CCNY: variants seen among roughly 807,000 people sequenced by gnomAD.
CCNY encodes the protein cyclin-Y.
In CCNY, 19 loss-of-function variants were observed where a neutral mutation model predicts 42.8. That is an observed-to-expected ratio of 0.44 (90% CI 0.31 to 0.65). CCNY has a LOEUF of 0.65. Ranked by LOEUF, CCNY falls within the 30% of genes least tolerant of loss-of-function variation. CCNY has a pLI of 0.07. For synonymous variants in CCNY, 165 were observed against 162.7 expected, an observed-to-expected ratio of 1.01 and a Z score of -0.11; for missense variants, 370 against 437.3, an observed-to-expected ratio of 0.85 and a Z score of 1.37.
At chr10:35,360,288 C>CTTTTTTTTTTTTT (rs5784449) in intron 1 of CCNY, among the ~76,000 whole-genome samples, 2 of 99,896 alleles carry the variant, frequency 2.0e-5, no homozygotes, top group Non-Finnish European at 2.1e-5. Flanking sequence ...CTTTTCTTTT[C>CTTTTTTTTTTTTT]TTTTTTTTTT....
At chr10:35,307,009 C>T (rs114774592) in intron 3 of CCNY, among the ~76,000 whole-genome samples, 3,522 of 152,200 alleles carry the variant, frequency 0.023, 125 homozygotes, top group African/African-American at 0.08. Flanking sequence ...CGTGCAGTCC[C>T]GCACCCTAGG....
chr10:35,275,115 G>A (rs1196411595), intron 3 of CCNY, among the ~76,000 whole-genome samples: 1 of 140,790 alleles, frequency 7.1e-6, no homozygotes, highest in Non-Finnish European at 1.5e-5. Flanking sequence ...CCAGGCTGGA[G>A]TGCATTGGTG....
chr10:35,303,250 G>A (rs1170744642), intron 3 of CCNY, among the ~76,000 whole-genome samples: 2 of 151,576 alleles, frequency 1.3e-5, no homozygotes, highest in African/African-American at 2.4e-5. Flanking sequence ...GCATGACCTC[G>A]GCTCACCGCA....
chr10:35,430,828 C>T (rs976366123), intron 1 of CCNY, among the ~76,000 whole-genome samples: 5 of 152,024 alleles, frequency 3.3e-5, no homozygotes, highest in African/African-American at 1.2e-4. Flanking sequence ...AAATTTAATA[C>T]GGCTTGGCGT....
chr10:35,312,582 G>C (rs890279475), intron 3 of CCNY, among the ~76,000 whole-genome samples: 4 of 151,420 alleles, frequency 2.6e-5, no homozygotes, highest in African/African-American at 7.3e-5. Flanking sequence ...TCCGTTTTGC[G>C]ACAAAATGAA....
At chr10:35,280,702 G>A (rs1409621028) in intron 3 of CCNY, among the ~76,000 whole-genome samples, 1 of 152,160 alleles carries the variant, frequency 6.6e-6, no homozygotes, top group East Asian at 1.9e-4. Context: ...CAGCTTCTGA[G>A]ATATGACACT....
chr10:35,352,013 A>G (rs1246902042), intron 1 of CCNY, among the ~76,000 whole-genome samples: 5 of 152,184 alleles, frequency 3.3e-5, no homozygotes, highest in Admixed American at 1.3e-4. Context: ...TAAGTGATCT[A>G]CCTAGTTTTC....
intron 2 of CCNY, among the ~76,000 whole-genome samples, chr10:35,248,630 C>T (rs2095709805): frequency 1.3e-5 from 2 of 151,432 alleles, no homozygotes; most frequent in South Asian, 4.2e-4. Flanking sequence ...GCCTGGGCAA[C>T]AAGAGTGAAA....
intron 8 of CCNY, among the ~76,000 whole-genome samples, chr10:35,564,676 A>C (rs1222730313): frequency 6.6e-6 from 1 of 152,034 alleles, no homozygotes; most frequent in Non-Finnish European, 1.5e-5. Flanking sequence ...CCCTGGCTTC[A>C]CTCACAGGAA....
At chr10:35,503,540 G>A (rs1339503793) in intron 3 of CCNY, among the ~76,000 whole-genome samples, 9 of 152,276 alleles carry the variant, frequency 5.9e-5, no homozygotes, top group Non-Finnish European at 1.0e-4. Flanking sequence ...GGCTAATAAA[G>A]CAGCTGTACT....
At chr10:35,409,188 G>A (rs1360880593) in intron 1 of CCNY, among the ~76,000 whole-genome samples, 1 of 138,860 alleles carries the variant, frequency 7.2e-6, no homozygotes, top group Non-Finnish European at 1.6e-5. Flanking sequence ...GGTACAGTGT[G>A]GCCAGCTGCC....
At chr10:35,546,253 G>T (rs1841114468) in intron 7 of CCNY, among the ~76,000 whole-genome samples, 1 of 152,194 alleles carries the variant, frequency 6.6e-6, no homozygotes, top group Non-Finnish European at 1.5e-5. Context: ...AAATTGGATT[G>T]GAATAATTTC....
intron 3 of CCNY, among the ~76,000 whole-genome samples, chr10:35,272,397 T>C (rs765174482): frequency 6.6e-6 from 1 of 152,168 alleles, no homozygotes; most frequent in African/African-American, 2.4e-5. Flanking sequence ...CACCCAGATA[T>C]TAGGCCTAGC....
chr10:35,363,986 T>C (rs1836757276), intron 1 of CCNY, among the ~76,000 whole-genome samples: 3 of 152,188 alleles, frequency 2.0e-5, no homozygotes, highest in African/African-American at 7.2e-5. Flanking sequence ...ACAGTCTTGC[T>C]CAATGTTAAG....
At chr10:35,448,898 G>C (rs1024227345) in intron 1 of CCNY, among the ~76,000 whole-genome samples, 1 of 152,110 alleles carries the variant, frequency 6.6e-6, no homozygotes, top group African/African-American at 2.4e-5. Context: ...ATCCCCAGGG[G>C]GTGCAGTGTG....
intron 7 of CCNY, among the ~76,000 whole-genome samples, chr10:35,542,292 T>G (rs1841018811): frequency 6.6e-6 from 1 of 151,648 alleles, no homozygotes; most frequent in Non-Finnish European, 1.5e-5. Context: ...GATTGTATGT[T>G]TTTTTGGAGG....
intron 3 of CCNY, among the ~76,000 whole-genome samples, chr10:35,253,046 A>C (rs1009887106): frequency 3.9e-5 from 6 of 152,202 alleles, no homozygotes; most frequent in Non-Finnish European, 8.8e-5. Context: ...ATTTATGACA[A>C]AAATTCACGG....
intron 1 of CCNY, among the ~76,000 whole-genome samples, chr10:35,480,709 A>G (rs1292394641): frequency 6.6e-6 from 1 of 152,176 alleles, no homozygotes; most frequent in Non-Finnish European, 1.5e-5. Context: ...TCATACCTGT[A>G]ATCCCCCAGC....
At chr10:35,300,532 A>G (rs1292673725) in intron 3 of CCNY, among the ~76,000 whole-genome samples, 1 of 152,026 alleles carries the variant, frequency 6.6e-6, no homozygotes, top group Non-Finnish European at 1.5e-5. Flanking sequence ...TTACTGCTTC[A>G]TGGCCAGAAG....
Sources: gnomAD v4.1 joint callset for allele counts (sites outside exome capture counted in the v4.1 genomes callset) on GRCh38, gnomAD v4.1.1 for gene constraint, MANE v1.5 for transcripts, NCBI Gene and HGNC (gene_info 2026-07-23, HGNC 2026-07-21) for gene names.